Variants in ZNF444 observed in about 807,000 individuals in gnomAD.
ZNF444 encodes the protein zinc finger protein 444, also known as endothelial zinc finger protein 2.
ZNF444 carries 8 observed loss-of-function variants against 14.4 expected under a neutral mutation model. The observed-to-expected ratio is 0.56, with a 90% confidence interval of 0.33 to 1.00. The LOEUF is 1.00. Ranked by LOEUF, ZNF444 falls within the 50% of genes least tolerant of loss-of-function variation. The pLI, the probability that ZNF444 is intolerant of heterozygous loss-of-function variation, is 0.03. For synonymous variants in ZNF444, 258 were observed against 235.9 expected, an observed-to-expected ratio of 1.09 and a Z score of -0.86; for missense variants, 510 against 504.8, an observed-to-expected ratio of 1.01 and a Z score of -0.10.
chr19:56,153,129 G>A (rs569745838), intron 3 of ZNF444, among the ~76,000 whole-genome samples: 2 of 152,162 alleles, frequency 1.3e-5, no homozygotes, highest in South Asian at 2.1e-4. Context: ...TCATCCAGGA[G>A]GGGGCAGGCT....
At chr19:56,158,467 G>A (rs756570365) in intron 3 of ZNF444, 27 bp from the exon 4 acceptor site, 1 of 1,582,090 alleles carries the variant, frequency 6.3e-7, no homozygotes, top group East Asian at 2.3e-5. Flanking sequence ...TCAGGTTTCT[G>A]AGTTCAAAAC....
intron 3 of ZNF444, among the ~76,000 whole-genome samples, chr19:56,153,800 G>T (rs1392792546): frequency 6.6e-6 from 1 of 152,218 alleles, no homozygotes; most frequent in African/African-American, 2.4e-5. Flanking sequence ...GTCAGCCTGC[G>T]TCTCAGGTCG....
chr19:56,158,444 T>C, intron 3 of ZNF444, 50 bp from the exon 4 acceptor site: 1 of 1,514,278 alleles, frequency 6.6e-7, no homozygotes, highest in African/African-American at 1.4e-5. Flanking sequence ...GAGGGAGAAA[T>C]AGAGGCCCTT....
chr19:56,135,725 G>A (rs2030594601), intron 1 of ZNF444, among the ~76,000 whole-genome samples: 1 of 151,628 alleles, frequency 6.6e-6, no homozygotes, highest in African/African-American at 2.4e-5. Flanking sequence ...TCACATATGT[G>A]AGCGTCAACC....
intron 3 of ZNF444, 66 bp from the exon 4 acceptor site, chr19:56,158,428 T>A: frequency 7.0e-7 from 1 of 1,429,230 alleles, no homozygotes. Flanking sequence ...TCGACGGTGG[T>A]TGGGAGAGGG....
chr19:56,142,930 T>G (rs1230311631), intron 1 of ZNF444, among the ~76,000 whole-genome samples: 1 of 152,170 alleles, frequency 6.6e-6, no homozygotes, highest in East Asian at 1.9e-4. Flanking sequence ...TCCTTCACTC[T>G]CTGAGCATCT....
chr19:56,136,386 G>A (rs147653784), upstream of ZNF444, among the ~76,000 whole-genome samples: 177 of 152,252 alleles, frequency 1.2e-3, no homozygotes, highest in African/African-American at 4.1e-3. Context: ...CATTATAGGT[G>A]TCCAGTTTGT....
Position 56,160,344 on chromosome 19 carries a change from C to A in ZNF444, c.*143C>A. On this transcript the variant is annotated 3_prime_UTR_variant, in exon 5 of 5. Transcript: ENST00000337080. ...CTGCGCCTCCCTTGTCTGAACTTCC[C>A]AACGCCTTCCTATTCCTTTCCAACT... The A allele has an allele frequency of 3.2e-6, 2 of 617,818 alleles. No individual in the cohort carries two copies. The highest frequency in any genetic ancestry group is 2.6e-6 in the Non-Finnish European group (1 of 388,578). 38.3% of individuals were successfully genotyped at this position (617,818 alleles called of 1,614,324 possible). A position where few individuals can be genotyped will look rare whatever the true frequency, so the allele number is the denominator to read the frequency against.
At chr19:56,139,558 C>T (rs190116656), upstream of ZNF444, among the ~76,000 whole-genome samples, 643 of 152,086 alleles carry the variant, frequency 4.2e-3, 6 homozygotes, top group African/African-American at 0.015. Flanking sequence ...TGGTGGTGCA[C>T]GCCTGTAGTC....
chr19:56,136,787 T>A (rs931210725), upstream of ZNF444, among the ~76,000 whole-genome samples: 1 of 151,934 alleles, frequency 6.6e-6, no homozygotes, highest in Non-Finnish European at 1.5e-5. Flanking sequence ...TGCATTTCTT[T>A]TTTTCTTTTT....
chr19:56,155,076 A>C (rs962596211), intron 3 of ZNF444: 1 of 152,178 alleles, frequency 6.6e-6, no homozygotes, highest in Non-Finnish European at 1.5e-5. Context: ...GATGGGTGTA[A>C]GGAGGGCTCC....
upstream of ZNF444, among the ~76,000 whole-genome samples, chr19:56,138,534 A>G (rs1183378118): frequency 6.6e-6 from 1 of 152,100 alleles, no homozygotes; most frequent in Admixed American, 6.6e-5. Flanking sequence ...TCGGGAGGCC[A>G]ATGTGGGAGA....
In ZNF444 at chr19:56,147,329, G is replaced by A. The variant is rs1222281950; in HGVS notation, c.297+121G>A. 3 of 1,181,610 alleles carry A rather than the reference G, an allele frequency of 2.5e-6. No homozygotes were observed. Among genetic ancestry groups the A allele is most frequent in the Non-Finnish European group, 2.2e-6 (2 of 897,322 alleles). 73.2% of individuals were successfully genotyped at this position (1,181,610 alleles called of 1,614,324 possible). A position where few individuals can be genotyped will look rare whatever the true frequency, so the allele number is the denominator to read the frequency against. Reference sequence around the variant, plus strand: ...AACCAGTGTGACTCGCGGTGGGGAGGCTGCGGTACAGGCTGCGGTACAGCG... The same window carrying A: ...AACCAGTGTGACTCGCGGTGGGGAGACTGCGGTACAGGCTGCGGTACAGCG... On this transcript the variant is annotated intron_variant, in intron 3 of 4. Transcript: ENST00000337080. This position sits in a 1 kb window ranked among gnomAD's most constrained non-coding sequence, Gnocchi z 5.9.
In ZNF444 at chr19:56,159,995, T is replaced by C. The variant is rs1030610758; in HGVS notation, c.778T>C (p.Tyr260His). ...GTGCTGCGAGTGTGGCAAGACCTTCTACTGGCGCGAGCACCTGGTGCGCCA... is the reference window on the plus strand; with the variant it reads ...GTGCTGCGAGTGTGGCAAGACCTTCCACTGGCGCGAGCACCTGGTGCGCCA... ...HACCECGKTFYWREHLVRHRK... is the reference protein window; with the variant it reads ...HACCECGKTFHWREHLVRHRK... Residue 260 changes from tyrosine (Y) to histidine (H), a missense_variant, in exon 5 of 5, where the codon TAC (tyrosine) becomes CAC (histidine). Transcript: ENST00000337080. The C allele has an allele frequency of 6.6e-7, 1 of 1,512,062 alleles. No homozygotes were observed. Among genetic ancestry groups the C allele is most frequent in the Admixed American group, 2.0e-5 (1 of 48,830 alleles). The allele number at this position is 1,512,062 out of a possible 1,614,324, so 93.7% of individuals were successfully genotyped here. A position where few individuals can be genotyped will look rare whatever the true frequency, so the allele number is the denominator to read the frequency against.
chr19:56,158,740 C>A, intron 4 of ZNF444, 138 bp downstream of exon 4: 1 of 741,552 alleles, frequency 1.3e-6, no homozygotes, highest in Non-Finnish European at 2.1e-6. Context: ...GGTTCGGACC[C>A]AAGGGGCGGG....
At chr19:56,136,629 C>G (rs2030617754), upstream of ZNF444, among the ~76,000 whole-genome samples, 1 of 152,078 alleles carries the variant, frequency 6.6e-6, no homozygotes, top group Non-Finnish European at 1.5e-5. Context: ...TCCCAAGCAC[C>G]CTGTGAAGCG....
chr19:56,140,769 C>T (rs1475576703), upstream of ZNF444, among the ~76,000 whole-genome samples: 1 of 152,246 alleles, frequency 6.6e-6, no homozygotes, highest in East Asian at 1.9e-4. Flanking sequence ...CCTCCTCCTC[C>T]TCCTCTTCGC....
chr19:56,145,550 C>T lies in ZNF444; in HGVS notation c.-196-697C>T, dbSNP rs890282451. ...GCAGTGAACCAAGATCGCACCATTG[C>T]ACTCCATCCTGGGCAACAGAGCGAG... is the stretch of plus-strand genomic sequence containing the variant. On this transcript the variant is annotated intron_variant, in intron 1 of 4. Coordinates refer to ENST00000337080, the MANE Select transcript of ZNF444 (RefSeq NM_018337.4). The surrounding 1 kb of genome is among the most constrained non-coding windows in gnomAD (Gnocchi z 4.3). Among the ~76,000 whole-genome samples, 2 of 152,012 alleles carry T rather than the reference C, an allele frequency of 1.3e-5. No individual in the cohort carries two copies. The highest frequency in any genetic ancestry group is 2.4e-5 in the African/African-American group (1 of 41,374).
chr19:56,152,470 A>G (rs1480384194), intron 3 of ZNF444, among the ~76,000 whole-genome samples: 9 of 146,920 alleles, frequency 6.1e-5, no homozygotes, highest in Admixed American at 4.1e-4. Context: ...ATTTGGGTTG[A>G]TTCCAGGGTT....
Sources: allele counts gnomAD v4.1 joint callset (sites outside exome capture counted in the v4.1 genomes callset), GRCh38; gene constraint gnomAD v4.1.1; non-coding constraint Gnocchi (gnomAD v3.1); transcripts MANE v1.5; gene names NCBI Gene and HGNC (gene_info 2026-07-23, HGNC 2026-07-21).